COL19A1: variants seen among roughly 807,000 people sequenced by gnomAD.
COL19A1 encodes the protein collagen alpha-1(XIX) chain.
Under a neutral mutation model 190.2 loss-of-function variants are expected in COL19A1, and 159 were observed. The observed-to-expected ratio is 0.84, with a 90% confidence interval of 0.73 to 0.95. The LOEUF is 0.95. COL19A1 is among the 40% of genes least tolerant of loss of function. The pLI is 0.00. For missense variants in COL19A1, 1,418 were observed against 1,431.9 expected (o/e 0.99, Z 0.16); for synonymous variants, 509 against 458.9 (o/e 1.11, Z -1.39).
rs576783407 is a variant in COL19A1, at chr6:70,071,723, A to G, written c.1224+3247A>G. Among the ~76,000 whole-genome samples, 31 of 152,128 alleles carry G rather than the reference A, an allele frequency of 2.0e-4. No individual in the cohort carries two copies. In the South Asian group the frequency reaches 5.6e-3, roughly 28 times the overall value. On this transcript the variant is annotated intron_variant, in intron 15 of 50. Transcript: ENST00000620364. ...ACAGATGAGAATGTTTCAGATCACGATGAGGGAGAACAGAATGGCATTGGG... is the reference window on the plus strand; with the variant it reads ...ACAGATGAGAATGTTTCAGATCACGGTGAGGGAGAACAGAATGGCATTGGG...
At chr6:69,926,381 G>A (rs1772398169) in intron 4 of COL19A1, among the ~76,000 whole-genome samples, 1 of 151,838 alleles carries the variant, frequency 6.6e-6, no homozygotes, top group Non-Finnish European at 1.5e-5. Context: ...AGTAACTAAA[G>A]GAAACTGTAA....
chr6:69,901,924 A>G (rs1770218073), intron 4 of COL19A1, among the ~76,000 whole-genome samples: 1 of 152,250 alleles, frequency 6.6e-6, no homozygotes, highest in Non-Finnish European at 1.5e-5. Context: ...TTGCTGCGAC[A>G]TTTAGACAAT....
chr6:70,143,030 A>G (rs767246225), intron 23 of COL19A1, among the ~76,000 whole-genome samples: 19 of 152,168 alleles, frequency 1.2e-4, no homozygotes, highest in South Asian at 4.1e-4. Context: ...TTTGAGTATC[A>G]TTAGCCTAAT....
intron 9 of COL19A1, among the ~76,000 whole-genome samples, chr6:69,940,653 G>A (rs1773412003): frequency 1.3e-5 from 2 of 151,996 alleles, no homozygotes; most frequent in East Asian, 3.8e-4. Context: ...GATTTTAGTG[G>A]CAACGTAAAA....
chr6:69,997,695 C>T (rs182922304), intron 11 of COL19A1, among the ~76,000 whole-genome samples: 4 of 151,630 alleles, frequency 2.6e-5, no homozygotes, highest in Admixed American at 6.6e-5. Context: ...TAAAGAAAGA[C>T]GAGAAAGAAA....
At chr6:69,947,803 C>T (rs1033333284) in intron 9 of COL19A1, among the ~76,000 whole-genome samples, 2 of 151,680 alleles carry the variant, frequency 1.3e-5, no homozygotes, top group African/African-American at 4.8e-5. Flanking sequence ...GCTACTTTTT[C>T]CTTTCATAAA....
At chr6:70,001,976 C>T (rs1582653919) in intron 11 of COL19A1, among the ~76,000 whole-genome samples, 1 of 152,150 alleles carries the variant, frequency 6.6e-6, no homozygotes, top group East Asian at 1.9e-4. Flanking sequence ...AGCTTTTGCC[C>T]ATTCATTATG....
rs535265517 is a variant in COL19A1 at position 70,001,856 on chromosome 6, T to A, written c.1027-21771T>A. 1.3e-3 allele frequency among the ~76,000 whole-genome samples: 191 copies of A among 152,342 alleles called. 1 individual carries two copies. The highest frequency in any genetic ancestry group is 1.8e-3 in the Admixed American group (28 of 15,306). ...TCTCTTCCTATTTGAATACCCTTTA[T>A]TTCTTTCTGTTGCCTGATTGCCCTG... is the stretch of plus-strand genomic sequence containing the variant. On this transcript the variant is annotated intron_variant, in intron 11 of 50. Coordinates refer to ENST00000620364, the MANE Select transcript of COL19A1 (RefSeq NM_001858.6).
At chr6:69,979,521 G>A (rs1431673859) in intron 11 of COL19A1, among the ~76,000 whole-genome samples, 1 of 151,742 alleles carries the variant, frequency 6.6e-6, no homozygotes, top group African/African-American at 2.4e-5. Flanking sequence ...TTTACTAAAA[G>A]CCAGCAGCAA....
intron 16 of COL19A1, among the ~76,000 whole-genome samples, chr6:70,116,555 T>C (rs1197155729): frequency 3.9e-5 from 6 of 152,212 alleles, no homozygotes; most frequent in Non-Finnish European, 7.3e-5. Flanking sequence ...GAAACATAAA[T>C]GAGAGAAAAA....
chr6:69,937,395 T>A (rs1773178696), intron 8 of COL19A1, among the ~76,000 whole-genome samples: 1 of 152,186 alleles, frequency 6.6e-6, no homozygotes, highest in Non-Finnish European at 1.5e-5. Flanking sequence ...AGAGGGGCTC[T>A]GTTGTTACTC....
chr6:70,175,465 G>T (rs1394958717), intron 41 of COL19A1, among the ~76,000 whole-genome samples: 1 of 151,800 alleles, frequency 6.6e-6, no homozygotes, highest in African/African-American at 2.4e-5. Context: ...GAATTCATAT[G>T]GGATATAATG....
At chr6:69,899,592 T>C (rs1011463423) in intron 3 of COL19A1, among the ~76,000 whole-genome samples, 3 of 152,180 alleles carry the variant, frequency 2.0e-5, no homozygotes, top group Non-Finnish European at 4.4e-5. Flanking sequence ...TGTAGAAATT[T>C]TGGAAGAAGA....
intron 27 of COL19A1, among the ~76,000 whole-genome samples, chr6:70,149,283 C>A (rs1786877721): frequency 6.6e-6 from 1 of 152,096 alleles, no homozygotes; most frequent in South Asian, 2.1e-4. Context: ...TAGTGTTTTA[C>A]CTCCTACTCC....
intron 9 of COL19A1, among the ~76,000 whole-genome samples, chr6:69,950,044 ATACTT>A (rs1476591085): frequency 1.3e-5 from 2 of 151,892 alleles, no homozygotes; most frequent in African/African-American, 2.4e-5. Context: ...TACATTAACT[ATACTT>A]TACACTTACA....
chr6:69,879,745 C>T (rs1768389036), intron 2 of COL19A1, 87 bp downstream of exon 2: 3 of 1,160,956 alleles, frequency 2.6e-6, no homozygotes, highest in South Asian at 1.3e-5. Flanking sequence ...ATTGAAAAGG[C>T]CATAGATTAA....
chr6:69,927,809 A>G (rs749567588), intron 4 of COL19A1, 100 bp from the exon 5 acceptor site: 59 of 1,406,616 alleles, frequency 4.2e-5, no homozygotes, highest in Non-Finnish European at 5.5e-5. Flanking sequence ...ACTGAGAAAA[A>G]TATGACTGAG....
intron 48 of COL19A1, among the ~76,000 whole-genome samples, chr6:70,193,144 T>C (rs1174815868): frequency 6.6e-6 from 1 of 151,460 alleles, no homozygotes; most frequent in Non-Finnish European, 1.5e-5. Context: ...AGGTGTTCGT[T>C]TTACAAGTCC....
intron 15 of COL19A1, among the ~76,000 whole-genome samples, chr6:70,089,798 T>A (rs1324836278): frequency 2.0e-5 from 3 of 152,156 alleles, no homozygotes; most frequent in Non-Finnish European, 4.4e-5. Context: ...GTAGGACTAC[T>A]TACACAATGC....
Sources: gnomAD v4.1 joint callset for allele counts (sites outside exome capture counted in the v4.1 genomes callset) on GRCh38, gnomAD v4.1.1 for gene constraint, MANE v1.5 for transcripts, NCBI Gene and HGNC (gene_info 2026-07-23, HGNC 2026-07-21) for gene names.